The following TRIP12 variants were observed in gnomAD, a reference collection of about 807,000 sequenced individuals.
TRIP12 encodes the protein E3 ubiquitin-protein ligase TRIP12.
A neutral mutation model predicts 244.2 loss-of-function variants in TRIP12; 25 were observed. That is an observed-to-expected ratio of 0.10 (90% CI 0.07 to 0.14). The LOEUF (loss-of-function observed/expected upper bound fraction) is 0.14. Ranked by LOEUF, TRIP12 falls within the 10% of genes least tolerant of loss-of-function variation. The probability of loss-of-function intolerance (pLI) is 1.00; values close to 1 mark genes in which losing one functional copy is unlikely to be tolerated. For missense variants in TRIP12, 1,677 were observed against 2,486.4 expected, an observed-to-expected ratio of 0.67 and a Z score of 6.92; for synonymous variants, 905 against 873.1, an observed-to-expected ratio of 1.04 and a Z score of -0.64.
chr2:229,852,399 T>C (rs1047295276), intron 4 of TRIP12, among the ~76,000 whole-genome samples: 2 of 152,114 alleles, frequency 1.3e-5, no homozygotes, highest in African/African-American at 4.8e-5. Flanking sequence ...AGAAGGTAGA[T>C]TAGCAAAATA....
chr2:229,815,854 C>T (rs2048371955), intron 9 of TRIP12, among the ~76,000 whole-genome samples: 1 of 152,108 alleles, frequency 6.6e-6, no homozygotes, highest in African/African-American at 2.4e-5. Context: ...ACTAATTATG[C>T]ACTAATTAAA....
intron 6 of TRIP12, among the ~76,000 whole-genome samples, chr2:229,835,508 C>A (rs1265740564): frequency 6.6e-6 from 1 of 152,204 alleles, no homozygotes; most frequent in Non-Finnish European, 1.5e-5. Context: ...TTTGGGAAGT[C>A]ACACATCACA....
intron 2 of TRIP12, among the ~76,000 whole-genome samples, chr2:229,879,430 A>C (rs576465562): frequency 1.3e-5 from 2 of 152,302 alleles, no homozygotes; most frequent in Admixed American, 6.5e-5. Flanking sequence ...CTGATTCTTC[A>C]CACTACTTCA....
chr2:229,908,565 T>C (rs1237788233), intron 1 of TRIP12, among the ~76,000 whole-genome samples: 1 of 151,538 alleles, frequency 6.6e-6, no homozygotes, highest in Non-Finnish European at 1.5e-5. Context: ...ACCCCGTCTC[T>C]ATTAAAAATA....
chr2:229,853,173 C>G (rs2059018682), intron 4 of TRIP12, among the ~76,000 whole-genome samples: 1 of 152,074 alleles, frequency 6.6e-6, no homozygotes, highest in Admixed American at 6.6e-5. Context: ...AGGTTCAATT[C>G]TTAAAAACTG....
At chr2:229,780,670 C>G (rs1422487874) in intron 34 of TRIP12, among the ~76,000 whole-genome samples, 1 of 152,196 alleles carries the variant, frequency 6.6e-6, no homozygotes, top group African/African-American at 2.4e-5. Flanking sequence ...TAGAGATACT[C>G]TTCCCCCAGA....
At chr2:229,821,305 A>C (rs1427327364) in intron 8 of TRIP12, among the ~76,000 whole-genome samples, 1 of 152,180 alleles carries the variant, frequency 6.6e-6, no homozygotes, top group Non-Finnish European at 1.5e-5. Context: ...AATCTTGGTA[A>C]CTATTATTAG....
At position 229,766,780 on chromosome 2, in the gene TRIP12, T is replaced by C. The variant is rs2031898749; in HGVS notation, c.*774A>G. ...TTCCTTGTCTCATTCCAGAGGCTGT[T>C]GCTGCTGGAATTGCCATGTAAACAG... On this transcript the variant is annotated 3_prime_UTR_variant, in exon 42 of 42. Coordinates refer to ENST00000675903, the MANE Select transcript of TRIP12 (RefSeq NM_001348323.3). The C allele has an allele frequency of 6.6e-6, 1 of 152,200 alleles. No individual in the cohort carries two copies. The highest frequency in any genetic ancestry group is 2.1e-4 in the South Asian group (1 of 4,834). 9.4% of individuals were successfully genotyped at this position (152,200 alleles called of 1,614,324 possible).
intron 1 of TRIP12, among the ~76,000 whole-genome samples, chr2:229,901,109 T>C (rs1464205164): frequency 2.6e-5 from 4 of 151,128 alleles, no homozygotes; most frequent in Admixed American, 2.0e-4. Flanking sequence ...AATTTTTGTA[T>C]TTTTAGTAGA....
chr2:229,859,602 A>G (rs2060142665), intron 3 of TRIP12, 28 bp from the exon 4 acceptor site: 1 of 1,585,340 alleles, frequency 6.3e-7, no homozygotes, highest in Non-Finnish European at 8.6e-7. Context: ...AAAACAGTTA[A>G]TATCAGCCTG....
At chr2:229,883,295 A>G (rs1474722480) in intron 1 of TRIP12, among the ~76,000 whole-genome samples, 1 of 152,206 alleles carries the variant, frequency 6.6e-6, no homozygotes, top group African/African-American at 2.4e-5. Context: ...TCAGCTAAGA[A>G]CCCAGAGGCC....
intron 3 of TRIP12, among the ~76,000 whole-genome samples, chr2:229,859,817 C>T (rs1435139936): frequency 6.6e-6 from 1 of 152,184 alleles, no homozygotes; most frequent in Non-Finnish European, 1.5e-5. Flanking sequence ...ATTACTGACA[C>T]TAACACTCGT....
intron 4 of TRIP12, among the ~76,000 whole-genome samples, chr2:229,841,907 A>C (rs1017130134): frequency 6.6e-6 from 1 of 152,248 alleles, no homozygotes. Flanking sequence ...AACAGTAAAA[A>C]GGATTCTAGA....
chr2:229,861,854 A>T (rs935582097), intron 2 of TRIP12, among the ~76,000 whole-genome samples: 1 of 152,186 alleles, frequency 6.6e-6, no homozygotes, highest in Non-Finnish European at 1.5e-5. Flanking sequence ...ATATGTTCTA[A>T]AGACTTATTA....
intron 2 of TRIP12, among the ~76,000 whole-genome samples, chr2:229,878,408 C>T (rs2064056230): frequency 6.6e-6 from 1 of 150,414 alleles, no homozygotes; most frequent in African/African-American, 2.4e-5. Context: ...CAAGATCATG[C>T]CGCTGCACTC....
chr2:229,812,923 A>G (rs944090252), intron 13 of TRIP12, among the ~76,000 whole-genome samples: 1 of 152,232 alleles, frequency 6.6e-6, no homozygotes, highest in Non-Finnish European at 1.5e-5. Context: ...GTTTCTAGAA[A>G]TATCTTTAGC....
At chr2:229,833,745 T>C (rs1166734939) in intron 6 of TRIP12, among the ~76,000 whole-genome samples, 3 of 151,214 alleles carry the variant, frequency 2.0e-5, no homozygotes, top group Non-Finnish European at 3.0e-5. Flanking sequence ...TAGATATGAG[T>C]TATGAGTTAT....
chr2:229,840,760 A>C (rs1040480971), intron 5 of TRIP12, 62 bp downstream of exon 5: 1 of 1,154,236 alleles, frequency 8.7e-7, no homozygotes, highest in East Asian at 2.5e-5. Flanking sequence ...TATTTTGATG[A>C]AAGTTGAAAT....
chr2:229,841,372 A>G (rs968743077), intron 4 of TRIP12, among the ~76,000 whole-genome samples: 2 of 152,236 alleles, frequency 1.3e-5, no homozygotes, highest in African/African-American at 4.8e-5. Context: ...AGAGAATAAA[A>G]TGAGTTATAC....
Sources: gnomAD v4.1 joint callset for allele counts (sites outside exome capture counted in the v4.1 genomes callset) on GRCh38, gnomAD v4.1.1 for gene constraint, MANE v1.5 for transcripts, NCBI Gene and HGNC (gene_info 2026-07-23, HGNC 2026-07-21) for gene names.